The following FOXO3 variants were observed in gnomAD, a reference collection of about 807,000 sequenced individuals.
FOXO3 encodes forkhead box protein O3.
In FOXO3, 4 loss-of-function variants were observed where a neutral mutation model predicts 41.9. The observed-to-expected ratio is 0.10, with a 90% CI of 0.05 to 0.22. The LOEUF is 0.22. FOXO3 is among the 10% of genes least tolerant of loss of function. FOXO3 has a pLI of 1.00. For missense variants in FOXO3, 534 were observed against 906.8 expected, an observed-to-expected ratio of 0.59 and a Z score of 5.28; for synonymous variants, 318 against 389.3, an observed-to-expected ratio of 0.82 and a Z score of 2.16.
At chr6:108,593,711 TC>T (rs1197910067) in intron 1 of FOXO3, among the ~76,000 whole-genome samples, 45 of 131,172 alleles carry the variant, frequency 3.4e-4, no homozygotes, top group Middle Eastern at 3.9e-3. Flanking sequence ...CTTTTCTTCT[TC>T]TTTTTTTTTT....
chr6:108,627,096 G>A (rs1033620591), intron 1 of FOXO3, among the ~76,000 whole-genome samples: 1 of 152,226 alleles, frequency 6.6e-6, no homozygotes, highest in African/African-American at 2.4e-5. Context: ...TGGCAGCGCA[G>A]CTGCTGTGAG....
rs547844397 is a variant in FOXO3, at chr6:108,568,217, T to C, written c.621+6388T>C. Among the ~76,000 whole-genome samples, 1,115 of 120,836 alleles carry C rather than the reference T, an allele frequency of 9.2e-3. 17 individuals carry two copies. The highest frequency in any genetic ancestry group is 0.03 in the African/African-American group (878 of 29,580). The allele number at this position is 120,836 out of a possible 152,430, so 79.3% of individuals were successfully genotyped here. ...ACAGAGTGAGACCCTCTCTCTCTCT[T>C]TTTTTTTTTTTTTTAAAGCGTGTGT... On this transcript the variant is annotated intron_variant, in intron 1 of 2. Coordinates refer to ENST00000406360, the MANE Select transcript of FOXO3 (RefSeq NM_001455.4).
intron 1 of FOXO3, among the ~76,000 whole-genome samples, chr6:108,661,611 A>G (rs2031497701): frequency 6.6e-6 from 1 of 152,194 alleles, no homozygotes; most frequent in South Asian, 2.1e-4. Context: ...TGGCTTCTGA[A>G]ATATATCATG....
At chr6:108,578,632 T>TG (rs1310012837) in intron 1 of FOXO3, among the ~76,000 whole-genome samples, 1 of 152,108 alleles carries the variant, frequency 6.6e-6, no homozygotes, top group Admixed American at 6.5e-5. Context: ...ATGTTTTTTT[T>TG]TGTGTGTGAT....
intron 1 of FOXO3, among the ~76,000 whole-genome samples, chr6:108,642,003 A>G (rs547500463): frequency 6.6e-6 from 1 of 152,240 alleles, no homozygotes; most frequent in East Asian, 1.9e-4. Flanking sequence ...ATGAGACTTG[A>G]AGCACAAAGC....
intron 2 of FOXO3, among the ~76,000 whole-genome samples, chr6:108,678,619 A>C (rs1770713852): frequency 6.6e-6 from 1 of 152,050 alleles, no homozygotes; most frequent in Admixed American, 6.6e-5. Context: ...AAGACAAAAT[A>C]ATAATTGGAG....
At chr6:108,607,447 C>CA (rs36097684) in intron 1 of FOXO3, among the ~76,000 whole-genome samples, 9,708 of 86,988 alleles carry the variant, frequency 0.11, 492 homozygotes, top group South Asian at 0.31. Context: ...GAGACTATCT[C>CA]AAAAAAAAAA....
rs529941901 is a variant in FOXO3, at chr6:108,666,517, T to A, written c.*34+1628T>A. ...CGCCTGGCTAATTTTTTTTTTTTTT[T>A]AATTTTTAGTAGAGATGGGGTTTCA... On this transcript the variant is annotated intron_variant, in intron 2 of 2. Coordinates refer to ENST00000406360, the MANE Select transcript of FOXO3 (RefSeq NM_001455.4). Among the ~76,000 whole-genome samples the A allele has an allele frequency of 1.2e-3, 182 of 151,150 alleles. 1 individual carries two copies. Among genetic ancestry groups the A allele is most frequent in the South Asian group, 8.0e-3 (38 of 4,774 alleles).
chr6:108,614,920 ATT>A (rs1232539775), intron 1 of FOXO3, among the ~76,000 whole-genome samples: 1 of 151,832 alleles, frequency 6.6e-6, no homozygotes, highest in East Asian at 1.9e-4. Flanking sequence ...CTCTTGGCTT[ATT>A]AGGTACATCT....
chr6:108,667,409 G>T (rs898595275), intron 2 of FOXO3, among the ~76,000 whole-genome samples: 3 of 152,158 alleles, frequency 2.0e-5, no homozygotes, highest in African/African-American at 7.2e-5. Flanking sequence ...TTAAAAATAG[G>T]CTTTTAAAGA....
chr6:108,580,789 C>T (rs1238429013), intron 1 of FOXO3, among the ~76,000 whole-genome samples: 1 of 152,130 alleles, frequency 6.6e-6, no homozygotes, highest in African/African-American at 2.4e-5. Flanking sequence ...TGTTTGAGAA[C>T]CCATAGAAAG....
chr6:108,652,127 G>A (rs1168078500), intron 1 of FOXO3, among the ~76,000 whole-genome samples: 1 of 152,168 alleles, frequency 6.6e-6, no homozygotes, highest in African/African-American at 2.4e-5. Context: ...TTGGCTTGAC[G>A]TAGTCACAGG....
intron 1 of FOXO3, among the ~76,000 whole-genome samples, chr6:108,648,289 A>G (rs576466880): frequency 6.6e-5 from 10 of 152,168 alleles, no homozygotes; most frequent in Non-Finnish European, 1.2e-4. Context: ...CTGTTCTTGT[A>G]TTGGTGGAAG....
rs1299530326 is a variant in FOXO3, at chr6:108,681,802, G to A, written c.*2010G>A. The stretch of plus-strand genomic sequence containing the variant: ...CTATTCATATGGTCTGCTTGTCAGT[G>A]AGCCAGACTTGCTTACTATATTCCT... On this transcript the variant is annotated 3_prime_UTR_variant, in exon 3 of 3. Transcript: ENST00000406360. 5 of 152,164 alleles carry A rather than the reference G, an allele frequency of 3.3e-5. No homozygotes were observed. The highest frequency in any genetic ancestry group is 7.4e-5 in the Non-Finnish European group (5 of 68,026). The allele number at this position is 152,164 out of a possible 1,614,324, so 9.4% of individuals were successfully genotyped here. A position where few individuals can be genotyped will look rare whatever the true frequency, so the allele number is the denominator to read the frequency against.
At chr6:108,597,532 A>G (rs1776918440) in intron 1 of FOXO3, among the ~76,000 whole-genome samples, 1 of 152,138 alleles carries the variant, frequency 6.6e-6, no homozygotes. Flanking sequence ...ACAAATGGAT[A>G]ATGACTATGT....
chr6:108,683,349 CTT>C lies in FOXO3; in HGVS notation c.*3559_*3560del, dbSNP rs1188606662. ...GCAGTTTAAAGATGGTGGGGACAGA[CTT>C]TGCCTCTACCTAGTGAACCCCACTT... On this transcript the variant is annotated 3_prime_UTR_variant, in exon 3 of 3. Transcript: ENST00000406360. The C allele has an allele frequency of 6.6e-6, 1 of 152,150 alleles. No individual in the cohort carries two copies. The highest frequency in any genetic ancestry group is 1.5e-5 in the Non-Finnish European group (1 of 68,038). The allele number at this position is 152,150 out of a possible 1,614,324, so 9.4% of individuals were successfully genotyped here. A position where few individuals can be genotyped will look rare whatever the true frequency, so the allele number is the denominator to read the frequency against.
At chr6:108,602,104 T>G (rs1777070118) in intron 1 of FOXO3, among the ~76,000 whole-genome samples, 1 of 152,302 alleles carries the variant, frequency 6.6e-6, no homozygotes, top group African/African-American at 2.4e-5. Flanking sequence ...TTGTTAAGGG[T>G]TTTTCCCCCT....
At chr6:108,678,869 C>CTTTTTTTTTTTTTT (rs1156923290) in intron 2 of FOXO3, among the ~76,000 whole-genome samples, 7 of 55,016 alleles carry the variant, frequency 1.3e-4, no homozygotes, top group Admixed American at 2.3e-4. Context: ...TTCTTAAATT[C>CTTTTTTTTTTTTTT]TTTTTTTTTT....
chr6:108,565,075 G>A (rs188963500), intron 1 of FOXO3, among the ~76,000 whole-genome samples: 38 of 152,202 alleles, frequency 2.5e-4, no homozygotes, highest in Admixed American at 1.3e-4. Context: ...AGGCTTATTT[G>A]CCTCTCAATC....
Sources: allele counts gnomAD v4.1 joint callset (sites outside exome capture counted in the v4.1 genomes callset), GRCh38; gene constraint gnomAD v4.1.1; transcripts MANE v1.5; gene names NCBI Gene and HGNC (gene_info 2026-07-23, HGNC 2026-07-21).